The following KPNA3 variants were observed in gnomAD, a reference collection of about 807,000 sequenced individuals.
KPNA3 encodes the protein importin subunit alpha-4.
A neutral mutation model predicts 73.8 loss-of-function variants in KPNA3; 13 were observed. The observed-to-expected ratio is 0.18, with a 90% confidence interval of 0.11 to 0.28. The LOEUF is 0.28. Among genes scored for constraint, KPNA3 ranks in the 10% least tolerant of loss-of-function variants. KPNA3 has a pLI of 1.00. For missense variants in KPNA3, 360 were observed against 618.1 expected, an observed-to-expected ratio of 0.58 and a Z score of 4.43; for synonymous variants, 186 against 206.9, an observed-to-expected ratio of 0.90 and a Z score of 0.87.
chr13:49,709,834 G>GC, intron 11 of KPNA3, 134 bp from the exon 12 acceptor site: 1 of 668,522 alleles, frequency 1.5e-6, no homozygotes, highest in South Asian at 3.3e-5. Context: ...AAAGCACCAA[G>GC]CAGTCTGAGA....
chr13:49,749,446 T>TG (rs1954644226), intron 1 of KPNA3, among the ~76,000 whole-genome samples: 1 of 152,216 alleles, frequency 6.6e-6, no homozygotes, highest in South Asian at 2.1e-4. Flanking sequence ...CTTACTTGTT[T>TG]GGGGTCTAAG....
chr13:49,784,540 G>A (rs1483926173), intron 1 of KPNA3, among the ~76,000 whole-genome samples: 1 of 152,140 alleles, frequency 6.6e-6, no homozygotes, highest in Non-Finnish European at 1.5e-5. Flanking sequence ...ATAGATGAAT[G>A]GGTAAACAAA....
In KPNA3 at chr13:49,786,288, G is replaced by T. The variant is rs561627475; in HGVS notation, c.69+6150C>A. On this transcript the variant is annotated intron_variant, in intron 1 of 16. Transcript: ENST00000261667. ...TTTCATGTTTCAAGTTACATCCAAG[G>T]TATCTATTCTCACTGAGCTTCTCAA... 3.9e-5 allele frequency among the ~76,000 whole-genome samples: 6 copies of T among 152,160 alleles called. No individual in the cohort carries two copies. The East Asian group carries it at 9.7e-4, about 24-fold the overall frequency.
chr13:49,762,920 T>A lies in KPNA3; in HGVS notation c.70-15927A>T, dbSNP rs199809676. On this transcript the variant is annotated intron_variant, in intron 1 of 16. Transcript: ENST00000261667. ...AATAAAGTTTACACCAAGGCTGGCT[T>A]AAAAAACAAAAAAAGAAGAGGAGAG... 2.2e-4 allele frequency among the ~76,000 whole-genome samples: 27 copies of A among 125,426 alleles called. 2 individuals are homozygous for A. The highest frequency in any genetic ancestry group is 4.3e-3 in the Middle Eastern group (1 of 230). The allele number at this position is 125,426 out of a possible 152,430, so 82.3% of individuals were successfully genotyped here. A position where few individuals can be genotyped will look rare whatever the true frequency, so the allele number is the denominator to read the frequency against.
At chr13:49,727,979 T>C (rs1036159482) in intron 6 of KPNA3, among the ~76,000 whole-genome samples, 1 of 152,190 alleles carries the variant, frequency 6.6e-6, no homozygotes, top group Non-Finnish European at 1.5e-5. Flanking sequence ...CTCACGCCTG[T>C]AATCCCAGCA....
rs1450071354 is a variant in KPNA3, at chr13:49,699,663, C to T, written c.*2137G>A. The T allele has an allele frequency of 1.3e-5, 2 of 152,552 alleles. No individual in the cohort carries two copies. The highest frequency in any genetic ancestry group is 4.8e-5 in the African/African-American group (2 of 41,400). The allele number at this position is 152,552 out of a possible 1,614,324, so 9.4% of individuals were successfully genotyped here. On this transcript the variant is annotated 3_prime_UTR_variant, in exon 17 of 17. Coordinates refer to ENST00000261667, the MANE Select transcript of KPNA3 (RefSeq NM_002267.4). ...AAACATGAGAGGAAATAGGAATCAT[C>T]ACAGTAGAGGCCCAATTTTAATCAT...
Position 49,705,630 on chromosome 13 carries a change from C to T in KPNA3, c.1363G>A (p.Glu455Lys). ...ATCAATCCACTCTTACCTCCACATT[C>T]CTCTATTATTTCAGCTATTGTGCTT... ...EASTIAEIIE[E>K]CGGLEKIEVL... The change falls in exon 15 of 17, where the codon GAA (glutamate) becomes AAA (lysine). Residue 455 changes from glutamate to lysine, a missense_variant. Around this residue, in one of 3 missense-constraint regions of KPNA3, gnomAD observed 287 missense variants for 549.1 expected, o/e 0.52. Transcript: ENST00000261667. The T allele has an allele frequency of 6.2e-7, 1 of 1,613,846 alleles. No homozygotes were observed. Among genetic ancestry groups the T allele is most frequent in the South Asian group, 1.1e-5 (1 of 91,030 alleles).
intron 1 of KPNA3, among the ~76,000 whole-genome samples, chr13:49,766,818 C>CA (rs1389446482): frequency 1.3e-5 from 2 of 151,918 alleles, no homozygotes; most frequent in African/African-American, 2.4e-5. Context: ...TTTACCCTTC[C>CA]AAAAAAGCCT....
intron 6 of KPNA3, among the ~76,000 whole-genome samples, chr13:49,727,170 G>A (rs1055322754): frequency 2.6e-5 from 4 of 151,718 alleles, no homozygotes; most frequent in South Asian, 4.2e-4. Context: ...AAAGAAGTCC[G>A]GGCAAGGTGG....
chr13:49,719,784 T>C lies in KPNA3; in HGVS notation c.762A>G (p.Thr254=). 6.2e-7 allele frequency: 1 copy of C among 1,601,508 alleles called. No individual in the cohort carries two copies. The highest frequency in any genetic ancestry group is 8.5e-7 in the Non-Finnish European group (1 of 1,170,074). Residue 254 remains threonine, a synonymous_variant, in exon 10 of 17, where the codon ACA becomes ACG. Transcript: ENST00000261667. ...CTGCTTCTTAACTTACGTTTATATC[T>C]GTATGGTATATGAGGACACATAAAG... The part of the protein sequence containing the change: ...LPALCVLIYH[T]DINILVDTVW...
At chr13:49,791,638 C>A (rs2137614585) in intron 1 of KPNA3, among the ~76,000 whole-genome samples, 1 of 152,306 alleles carries the variant, frequency 6.6e-6, no homozygotes, top group East Asian at 1.9e-4. Flanking sequence ...AAGAAATTAT[C>A]ACCCTATGCA....
At position 49,709,562 on chromosome 13, in the gene KPNA3, T is replaced by C; in HGVS notation, c.1032+10A>G. ...AAGAAATAGCATAATGAGGACATTA[T>C]ATGCCTTACCTTATTTATCTTCTCT... On this transcript the variant is annotated intron_variant, in intron 12 of 16. Coordinates refer to ENST00000261667, the MANE Select transcript of KPNA3 (RefSeq NM_002267.4). 1.2e-6 allele frequency: 2 copies of C among 1,610,056 alleles called. No homozygotes were observed. The highest frequency in any genetic ancestry group is 1.7e-6 in the Non-Finnish European group (2 of 1,177,222).
At chr13:49,717,196 G>A (rs9596177) in intron 10 of KPNA3, among the ~76,000 whole-genome samples, 6,470 of 151,770 alleles carry the variant, frequency 0.043, 434 homozygotes, top group African/African-American at 0.15. Flanking sequence ...ATCATTTCTC[G>A]ATTTAAAAAA....
chr13:49,726,409 G>GT (rs370672300), intron 6 of KPNA3, among the ~76,000 whole-genome samples: 14 of 152,332 alleles, frequency 9.2e-5, no homozygotes, highest in African/African-American at 2.9e-4. Flanking sequence ...AATAAAACAG[G>GT]TATCATGCAT....
At chr13:49,746,673 G>A (rs893002464) in intron 2 of KPNA3, among the ~76,000 whole-genome samples, 2 of 152,146 alleles carry the variant, frequency 1.3e-5, no homozygotes, top group Non-Finnish European at 2.9e-5. Flanking sequence ...CATAAGCAAA[G>A]GGAGAGGAAG....
intron 7 of KPNA3, 62 bp downstream of exon 7, chr13:49,725,354 A>G (rs1190942483): frequency 4.5e-6 from 4 of 879,658 alleles, no homozygotes; most frequent in Non-Finnish European, 6.9e-6. Flanking sequence ...CTTTATTACA[A>G]AACTCTACTT....
chr13:49,709,901 A>T (rs1269902069), intron 11 of KPNA3, among the ~76,000 whole-genome samples: 2 of 152,230 alleles, frequency 1.3e-5, no homozygotes, highest in African/African-American at 2.4e-5. Context: ...TGAAAAAAAA[A>T]AATTGTGTGA....
At chr13:49,760,236 C>G (rs1052933270) in intron 1 of KPNA3, among the ~76,000 whole-genome samples, 2 of 151,898 alleles carry the variant, frequency 1.3e-5, no homozygotes, top group African/African-American at 4.8e-5. Context: ...ATGATGAAAT[C>G]CCATCTCTAC....
chr13:49,748,734 A>T (rs1339068165), intron 1 of KPNA3, among the ~76,000 whole-genome samples: 2 of 152,128 alleles, frequency 1.3e-5, no homozygotes, highest in African/African-American at 4.8e-5. Context: ...ATGGAATTAT[A>T]TACTGATAAA....
Sources: gnomAD v4.1 joint callset for allele counts (sites outside exome capture counted in the v4.1 genomes callset) on GRCh38, gnomAD v4.1.1 for gene constraint, gnomAD v4.1.1 regional missense constraint, MANE v1.5 for transcripts, NCBI Gene and HGNC (gene_info 2026-07-23, HGNC 2026-07-21) for gene names.